Variants in CPD observed in about 807,000 individuals in gnomAD.
CPD encodes metallocarboxypeptidase D.
Under a neutral mutation model 138.3 loss-of-function variants are expected in CPD, and 69 were observed. That is an observed-to-expected ratio of 0.50 (90% CI 0.41 to 0.61). The LOEUF (loss-of-function observed/expected upper bound fraction) is 0.61. CPD is among the 20% of genes least tolerant of loss of function. The pLI is 0.00. For synonymous variants in CPD, 651 were observed against 642.1 expected (o/e 1.01, Z -0.21); for missense variants, 1,432 against 1,733.3 (o/e 0.83, Z 3.09).
At chr17:30,391,703 G>T (rs549256536) in intron 2 of CPD, among the ~76,000 whole-genome samples, 1 of 152,032 alleles carries the variant, frequency 6.6e-6, no homozygotes, top group Non-Finnish European at 1.5e-5. Flanking sequence ...ACAAATTAAT[G>T]AATTTCTCTA....
intron 2 of CPD, among the ~76,000 whole-genome samples, chr17:30,411,565 T>C (rs1314427520): frequency 6.6e-6 from 1 of 152,208 alleles, no homozygotes; most frequent in Non-Finnish European, 1.5e-5. Flanking sequence ...TTCTTTTTAC[T>C]CTTTTTTCTC....
intron 2 of CPD, among the ~76,000 whole-genome samples, chr17:30,414,580 C>T (rs1044378892): frequency 4.2e-5 from 6 of 142,118 alleles, no homozygotes; most frequent in African/African-American, 1.3e-4. Context: ...GAGACTGTCT[C>T]GGAAAAAAAA....
At chr17:30,385,352 T>C (rs1555605817) in intron 2 of CPD, 116 bp downstream of exon 2, 32 of 1,311,188 alleles carry the variant, frequency 2.4e-5, no homozygotes, top group South Asian at 4.7e-5. Flanking sequence ...AGATATTTAT[T>C]TTTATTTTGA....
intron 2 of CPD, among the ~76,000 whole-genome samples, chr17:30,392,769 C>G: frequency 6.6e-6 from 1 of 152,188 alleles, no homozygotes; most frequent in African/African-American, 2.4e-5. Flanking sequence ...TTCCTCCCAA[C>G]TTGTTTATAT....
intron 10 of CPD, 44 bp from the exon 11 acceptor site, chr17:30,443,758 A>G (rs1912941274): frequency 6.6e-7 from 1 of 1,518,966 alleles, no homozygotes; most frequent in Non-Finnish European, 8.9e-7. Flanking sequence ...TAATTAGATG[A>G]TGATGTTTAT....
Position 30,397,890 on chromosome 17 carries a change from A to T in CPD, c.994+12654A>T, listed in dbSNP as rs1010069992. On this transcript the variant is annotated intron_variant, in intron 2 of 20. Coordinates refer to ENST00000225719, the MANE Select transcript of CPD (RefSeq NM_001304.5). ...TAATATAAAAGTTTTATTTAAAAAAAACTGGTCATGGTGCAGTGGTTCACA... is the reference window on the plus strand; with the variant it reads ...TAATATAAAAGTTTTATTTAAAAAATACTGGTCATGGTGCAGTGGTTCACA... Among the ~76,000 whole-genome samples, 7 of 151,812 alleles carry T rather than the reference A, an allele frequency of 4.6e-5. No homozygotes were observed. In the South Asian group the frequency reaches 1.5e-3, roughly 31 times the overall value.
chr17:30,386,940 C>T (rs1375886649), intron 2 of CPD, among the ~76,000 whole-genome samples: 1 of 152,096 alleles, frequency 6.6e-6, no homozygotes, highest in African/African-American at 2.4e-5. Context: ...TGTATGAGTC[C>T]TTATTTTCAA....
chr17:30,397,659 G>A (rs1018245783), intron 2 of CPD, among the ~76,000 whole-genome samples: 2 of 148,248 alleles, frequency 1.3e-5, no homozygotes, highest in African/African-American at 5.0e-5. Flanking sequence ...GATCACTTGA[G>A]CCTGGAGGGC....
intron 6 of CPD, among the ~76,000 whole-genome samples, chr17:30,427,181 CAAA>C (rs35109982): frequency 6.7e-5 from 5 of 74,274 alleles, no homozygotes; most frequent in African/African-American, 2.6e-4. Context: ...GACTCCATCT[CAAA>C]AAAAAAAAAA....
At chr17:30,417,823 A>ATT (rs199741108) in intron 2 of CPD, among the ~76,000 whole-genome samples, 1 of 151,334 alleles carries the variant, frequency 6.6e-6, no homozygotes, top group Non-Finnish European at 1.5e-5. Context: ...ATGAAATGCC[A>ATT]TTTTTTTTTA....
intron 8 of CPD, among the ~76,000 whole-genome samples, chr17:30,434,997 A>G (rs1912662396): frequency 6.6e-6 from 1 of 152,190 alleles, no homozygotes; most frequent in Non-Finnish European, 1.5e-5. Flanking sequence ...AGCAAAAAAT[A>G]ATCGAGAAGC....
intron 2 of CPD, among the ~76,000 whole-genome samples, chr17:30,406,985 T>C (rs537479993): frequency 6.6e-6 from 1 of 152,108 alleles, no homozygotes; most frequent in East Asian, 1.9e-4. Flanking sequence ...CGCCTACAGG[T>C]CCTGGTGTAT....
At position 30,384,912 on chromosome 17, in the gene CPD, G is replaced by T. The variant is rs1007676590; in HGVS notation, c.747-77G>T. On this transcript the variant is annotated intron_variant, in intron 1 of 20. Coordinates refer to ENST00000225719, the MANE Select transcript of CPD (RefSeq NM_001304.5). ...GAGATATTGGAGTTTATTTCTAAAA[G>T]ATTTTGTGGAATTTTTTTAATGCAT... is the stretch of plus-strand genomic sequence containing the variant. 57 of 1,506,630 alleles carry T rather than the reference G, an allele frequency of 3.8e-5. 1 individual carries two copies. The Admixed American group carries it at 7.6e-4, about 20-fold the overall frequency. 93.3% of individuals were successfully genotyped at this position (1,506,630 alleles called of 1,614,324 possible).
At chr17:30,449,225 A>G (rs1913103940) in intron 12 of CPD, among the ~76,000 whole-genome samples, 1 of 152,180 alleles carries the variant, frequency 6.6e-6, no homozygotes, top group South Asian at 2.1e-4. Context: ...TTAGTACAAA[A>G]TATATTAACT....
chr17:30,391,143 T>C (rs1334339186), intron 2 of CPD, among the ~76,000 whole-genome samples: 1 of 151,468 alleles, frequency 6.6e-6, no homozygotes, highest in Non-Finnish European at 1.5e-5. Context: ...TTTTTTTTTT[T>C]TTTTTTTTTT....
chr17:30,414,726 CTT>C lies in CPD; in HGVS notation c.995-6113_995-6112del, dbSNP rs200473687. Among the ~76,000 whole-genome samples the C allele has an allele frequency of 6.3e-3, 964 of 152,296 alleles. 10 individuals carry two copies. Among genetic ancestry groups the C allele is most frequent in the African/African-American group, 0.022 (929 of 41,568 alleles). On this transcript the variant is annotated intron_variant, in intron 2 of 20. Coordinates refer to ENST00000225719, the MANE Select transcript of CPD (RefSeq NM_001304.5). ...TTAGAGTCGGCATGGTTTTCTGACA[CTT>C]TGGATATAAAATGTGAATCCAAGGC...
chr17:30,433,064 A>T (rs1005272720), intron 8 of CPD, among the ~76,000 whole-genome samples: 1 of 152,164 alleles, frequency 6.6e-6, no homozygotes, highest in East Asian at 1.9e-4. Flanking sequence ...AATGAATATT[A>T]TTACTGTAAC....
rs75246749 is a variant in CPD at position 30,389,671 on chromosome 17, G to C, written c.994+4435G>C. ...AAATATCCGGCCTCTACAAAACGTAGGTGTACTTTGGTATTAAGGCCAGAG... is the reference window on the plus strand; with the variant it reads ...AAATATCCGGCCTCTACAAAACGTACGTGTACTTTGGTATTAAGGCCAGAG... On this transcript the variant is annotated intron_variant, in intron 2 of 20. Transcript: ENST00000225719. Among the ~76,000 whole-genome samples the C allele has an allele frequency of 4.6e-3, 706 of 152,296 alleles. 4 individuals are homozygous for C. Among genetic ancestry groups the C allele is most frequent in the African/African-American group, 0.016 (682 of 41,556 alleles).
At chr17:30,430,523 A>G (rs1281786659) in intron 7 of CPD, among the ~76,000 whole-genome samples, 4 of 152,182 alleles carry the variant, frequency 2.6e-5, no homozygotes, top group South Asian at 4.1e-4. Flanking sequence ...GTATATATCA[A>G]TATCACATTT....
Sources: gnomAD v4.1 joint callset for allele counts (sites outside exome capture counted in the v4.1 genomes callset) on GRCh38, gnomAD v4.1.1 for gene constraint, MANE v1.5 for transcripts, NCBI Gene and HGNC (gene_info 2026-07-23, HGNC 2026-07-21) for gene names.